The following CPA6 variants were observed in gnomAD, a reference collection of about 807,000 sequenced individuals.
The protein encoded by CPA6 is carboxypeptidase B.
A neutral mutation model predicts 63.3 loss-of-function variants in CPA6; 58 were observed. That is an observed-to-expected ratio of 0.92 (90% CI 0.74 to 1.14). The LOEUF (loss-of-function observed/expected upper bound fraction) is 1.14. Among genes scored for constraint, CPA6 ranks in the 50% most tolerant of loss-of-function variants. CPA6 has a pLI of 0.00. For synonymous variants in CPA6, 185 were observed against 179.0 expected, an observed-to-expected ratio of 1.03 and a Z score of -0.27; for missense variants, 565 against 526.6, an observed-to-expected ratio of 1.07 and a Z score of -0.71.
rs569889471 is a variant in CPA6, at chr8:67,422,524, G to C, written c.1294C>G (p.Leu432Val). The C allele has an allele frequency of 6.2e-7, 1 of 1,614,030 alleles. No individual in the cohort carries two copies. Among genetic ancestry groups the C allele is most frequent in the Admixed American group, 1.7e-5 (1 of 60,018 alleles). ...CTGTCTCAGGGACATTTCTTTAGCAGGTGCATTGTGATATTTTTCACAGCC... is the reference window on the plus strand; with the variant it reads ...CTGTCTCAGGGACATTTCTTTAGCACGTGCATTGTGATATTTTTCACAGCC... The part of the protein sequence containing the change: ...MLAVKNITMH[L>V]LKKCP The change falls in exon 11 of 11, where the codon CTG (leucine) becomes GTG (valine). Residue 432 changes from leucine (L) to valine (V), a missense_variant. Transcript: ENST00000297770.
intron 8 of CPA6, among the ~76,000 whole-genome samples, chr8:67,463,034 A>T (rs1009563523): frequency 1.3e-5 from 2 of 152,234 alleles, no homozygotes; most frequent in Non-Finnish European, 2.9e-5. Context: ...ATTCATTTTA[A>T]TATATGCATC....
At chr8:67,511,506 G>A (rs201329180) in intron 4 of CPA6, 35 bp downstream of exon 4, 1 of 1,201,462 alleles carries the variant, frequency 8.3e-7, no homozygotes, top group Non-Finnish European at 1.2e-6. Flanking sequence ...AGATGACTCT[G>A]TGAAAAACCA....
At chr8:67,423,687 C>T (rs1281924262) in intron 10 of CPA6, among the ~76,000 whole-genome samples, 1 of 152,220 alleles carries the variant, frequency 6.6e-6, no homozygotes, top group Admixed American at 6.5e-5. Context: ...TAAAGTCACA[C>T]TACCTCATTA....
At chr8:67,471,269 T>A in intron 8 of CPA6, among the ~76,000 whole-genome samples, 1 of 152,132 alleles carries the variant, frequency 6.6e-6, no homozygotes, top group Admixed American at 6.6e-5. Flanking sequence ...CCAGGCCACC[T>A]AAAATAGCTC....
chr8:67,542,256 C>A (rs149998377), intron 2 of CPA6, among the ~76,000 whole-genome samples: 1 of 152,192 alleles, frequency 6.6e-6, no homozygotes, highest in Non-Finnish European at 1.5e-5. Context: ...AATGACTGCT[C>A]TGTTCCAGTA....
intron 9 of CPA6, among the ~76,000 whole-genome samples, chr8:67,433,155 C>A (rs1264703132): frequency 6.6e-6 from 1 of 152,198 alleles, no homozygotes; most frequent in Non-Finnish European, 1.5e-5. Context: ...GATTGCTCAA[C>A]AAACGATCAC....
At chr8:67,592,021 G>A (rs945738747) in intron 2 of CPA6, among the ~76,000 whole-genome samples, 9 of 152,272 alleles carry the variant, frequency 5.9e-5, no homozygotes, top group African/African-American at 1.9e-4. Flanking sequence ...TTGGCTGTGG[G>A]TTTGTCATAG....
At chr8:67,555,469 C>G (rs982571665) in intron 2 of CPA6, among the ~76,000 whole-genome samples, 3 of 152,110 alleles carry the variant, frequency 2.0e-5, no homozygotes, top group African/African-American at 7.2e-5. Flanking sequence ...ACGGGGAAGC[C>G]CCCTCATCCC....
chr8:67,540,077 G>A (rs568652212), intron 2 of CPA6, among the ~76,000 whole-genome samples: 20 of 152,192 alleles, frequency 1.3e-4, no homozygotes, highest in African/African-American at 4.8e-4. Flanking sequence ...AGGAGAAGAG[G>A]CATTCTGGTT....
At chr8:67,724,908 T>C (rs1164315684) in intron 1 of CPA6, among the ~76,000 whole-genome samples, 3 of 152,204 alleles carry the variant, frequency 2.0e-5, no homozygotes, top group Non-Finnish European at 4.4e-5. Flanking sequence ...CTTAGACTCA[T>C]CCCCCAATTT....
At chr8:67,516,304 G>A (rs1012933498) in intron 3 of CPA6, among the ~76,000 whole-genome samples, 1 of 152,216 alleles carries the variant, frequency 6.6e-6, no homozygotes, top group South Asian at 2.1e-4. Flanking sequence ...ACAGTCTTAA[G>A]TAGATCCACC....
chr8:67,508,935 G>A (rs1393903), intron 5 of CPA6, among the ~76,000 whole-genome samples: 47,711 of 151,918 alleles, frequency 0.31, 7,598 homozygotes, highest in Middle Eastern at 0.46. Flanking sequence ...TCACAGTTCC[G>A]TAGGCTGTAC....
At chr8:67,595,229 G>A (rs562351134) in intron 2 of CPA6, among the ~76,000 whole-genome samples, 4 of 152,250 alleles carry the variant, frequency 2.6e-5, no homozygotes, top group South Asian at 2.1e-4. Context: ...CTGTCTGATC[G>A]TTCCTCTGGA....
chr8:67,455,583 G>A (rs1456142206), intron 8 of CPA6, among the ~76,000 whole-genome samples: 1 of 141,516 alleles, frequency 7.1e-6, no homozygotes, highest in Non-Finnish European at 1.5e-5. Context: ...GAAAATTGTT[G>A]GATTAGAAAA....
Position 67,537,684 on chromosome 8 carries a change from C to A in CPA6, c.193-19637G>T, listed in dbSNP as rs565102881. Among the ~76,000 whole-genome samples the A allele has an allele frequency of 8.7e-4, 133 of 152,216 alleles. 1 individual carries two copies. Among genetic ancestry groups the A allele is most frequent in the African/African-American group, 3.1e-3 (129 of 41,516 alleles). On this transcript the variant is annotated intron_variant, in intron 2 of 10. Coordinates refer to ENST00000297770, the MANE Select transcript of CPA6 (RefSeq NM_020361.5). ...TGAAGGATTTTTCATATCTCTATCT[C>A]CTTCAATTCTGCTCTGATCTTAGTT...
intron 8 of CPA6, among the ~76,000 whole-genome samples, chr8:67,475,847 C>CTCTCTCT (rs1811191470): frequency 1.4e-5 from 1 of 71,992 alleles, no homozygotes; most frequent in African/African-American, 6.1e-5. Flanking sequence ...TTCTTTCTTT[C>CTCTCTCT]TTTCTTTCTT....
intron 6 of CPA6, among the ~76,000 whole-genome samples, chr8:67,487,180 T>C (rs191033081): frequency 0.022 from 3,301 of 152,186 alleles, 118 homozygotes; most frequent in African/African-American, 0.073. Context: ...CATTAGGTGT[T>C]TCTCCTAATG....
At chr8:67,682,915 C>T (rs186266269) in intron 1 of CPA6, among the ~76,000 whole-genome samples, 71 of 152,314 alleles carry the variant, frequency 4.7e-4, no homozygotes, top group Middle Eastern at 3.4e-3. Context: ...TGGGTTCTTT[C>T]TTCACATGTA....
intron 2 of CPA6, among the ~76,000 whole-genome samples, chr8:67,549,947 C>T (rs745428845): frequency 1.3e-5 from 2 of 152,170 alleles, no homozygotes; most frequent in Non-Finnish European, 2.9e-5. Flanking sequence ...GCCATGAATA[C>T]AGGAGTGCAA....
Sources: allele counts gnomAD v4.1 joint callset (sites outside exome capture counted in the v4.1 genomes callset), GRCh38; gene constraint gnomAD v4.1.1; transcripts MANE v1.5; gene names NCBI Gene and HGNC (gene_info 2026-07-23, HGNC 2026-07-21).